The following GPR158 variants were observed in gnomAD, a reference collection of about 807,000 sequenced individuals.
The protein encoded by GPR158 is G protein-coupled receptor 158, also known as metabotropic glycine receptor.
In GPR158, 30 loss-of-function variants were observed where a neutral mutation model predicts 78.2. The ratio of observed to expected loss-of-function variants is 0.38; its 90% CI spans 0.29 to 0.52. The LOEUF (loss-of-function observed/expected upper bound fraction) is 0.52. Ranked by LOEUF, GPR158 falls within the 20% of genes least tolerant of loss-of-function variation. The pLI, the probability that GPR158 is intolerant of heterozygous loss-of-function variation, is 0.83. For missense variants in GPR158, 1,463 were observed against 1,523.5 expected, an observed-to-expected ratio of 0.96 and a Z score of 0.66; for synonymous variants, 581 against 591.1, an observed-to-expected ratio of 0.98 and a Z score of 0.25.
At chr10:25,473,711 A>G (rs969993764) in intron 5 of GPR158, among the ~76,000 whole-genome samples, 11 of 152,026 alleles carry the variant, frequency 7.2e-5, no homozygotes, top group Non-Finnish European at 1.2e-4. Flanking sequence ...GAATTTATCC[A>G]TTTCTTCTAG....
intron 2 of GPR158, among the ~76,000 whole-genome samples, chr10:25,307,343 C>T (rs7913029): frequency 7.3e-4 from 110 of 150,446 alleles, no homozygotes; most frequent in African/African-American, 2.6e-3. Flanking sequence ...CTTTCAAGTC[C>T]CCCAAAATGC....
At chr10:25,282,171 G>T (rs1180561256) in intron 2 of GPR158, among the ~76,000 whole-genome samples, 1 of 151,920 alleles carries the variant, frequency 6.6e-6, no homozygotes, top group Non-Finnish European at 1.5e-5. Context: ...CACTAATTTT[G>T]TTCTCCTCCC....
At chr10:25,242,241 A>G (rs1853637358) in intron 2 of GPR158, among the ~76,000 whole-genome samples, 1 of 152,248 alleles carries the variant, frequency 6.6e-6, no homozygotes, top group Non-Finnish European at 1.5e-5. Context: ...TCTTCATTTC[A>G]TTAAACAGTA....
At chr10:25,357,366 G>A (rs183123118) in intron 2 of GPR158, among the ~76,000 whole-genome samples, 3 of 152,218 alleles carry the variant, frequency 2.0e-5, no homozygotes, top group Admixed American at 1.3e-4. Context: ...TCCCCAAGAC[G>A]ATGGGCACAA....
chr10:25,366,783 T>C (rs1855730438), intron 2 of GPR158, among the ~76,000 whole-genome samples: 1 of 151,662 alleles, frequency 6.6e-6, no homozygotes, highest in Admixed American at 6.6e-5. Flanking sequence ...TCTGTGAATT[T>C]GACACTTTTA....
chr10:25,400,482 T>C (rs571478295), intron 3 of GPR158, among the ~76,000 whole-genome samples: 9 of 152,318 alleles, frequency 5.9e-5, no homozygotes, highest in South Asian at 4.1e-4. Context: ...TGTATTCAAA[T>C]AACATGATTT....
At chr10:25,252,050 T>C (rs1001596147) in intron 2 of GPR158, among the ~76,000 whole-genome samples, 1 of 152,002 alleles carries the variant, frequency 6.6e-6, no homozygotes, top group African/African-American at 2.4e-5. Context: ...CCTTCTCGCT[T>C]CATTTCATTC....
At chr10:25,520,679 G>T (rs1261837199) in intron 5 of GPR158, among the ~76,000 whole-genome samples, 2 of 151,906 alleles carry the variant, frequency 1.3e-5, no homozygotes, top group Non-Finnish European at 2.9e-5. Flanking sequence ...TCCCAGTTAG[G>T]CTGCTCGGGG....
intron 2 of GPR158, among the ~76,000 whole-genome samples, chr10:25,385,686 T>C (rs1420208009): frequency 6.6e-6 from 1 of 152,164 alleles, no homozygotes. Flanking sequence ...TAATATCTCG[T>C]TGTGGTTTTG....
intron 2 of GPR158, among the ~76,000 whole-genome samples, chr10:25,333,805 A>G (rs1468373360): frequency 6.6e-6 from 1 of 152,114 alleles, no homozygotes; most frequent in East Asian, 1.9e-4. Flanking sequence ...AGTACAAACT[A>G]TTTAAATGTA....
At chr10:25,551,133 T>C (rs773731368) in intron 6 of GPR158, 48 bp downstream of exon 6, 1 of 1,058,672 alleles carries the variant, frequency 9.4e-7, no homozygotes, top group Admixed American at 1.7e-5. Flanking sequence ...ATCAAACTAA[T>C]CAGCTTGGCA....
At chr10:25,381,893 A>C (rs1038441210) in intron 2 of GPR158, among the ~76,000 whole-genome samples, 1 of 152,258 alleles carries the variant, frequency 6.6e-6, no homozygotes, top group Non-Finnish European at 1.5e-5. Context: ...AAGCACATTT[A>C]TAACAGGTCC....
chr10:25,249,784 C>G (rs1435843618), intron 2 of GPR158, among the ~76,000 whole-genome samples: 8 of 151,766 alleles, frequency 5.3e-5, no homozygotes, highest in East Asian at 1.9e-4. Context: ...TTTTTTTGTT[C>G]TGTCTCTGCC....
At chr10:25,299,883 G>A (rs1250037538) in intron 2 of GPR158, among the ~76,000 whole-genome samples, 1 of 151,932 alleles carries the variant, frequency 6.6e-6, no homozygotes, top group Non-Finnish European at 1.5e-5. Flanking sequence ...CTGGAGTGCG[G>A]TATCATGATC....
At chr10:25,400,437 C>T (rs1418098438) in intron 3 of GPR158, among the ~76,000 whole-genome samples, 114 of 152,180 alleles carry the variant, frequency 7.5e-4, no homozygotes, top group Non-Finnish European at 4.4e-5. Context: ...GACCGAGGCC[C>T]ACAGTAAACA....
Position 25,572,797 on chromosome 10 carries a change from C to G in GPR158, c.1663C>G (p.Gln555Glu). The G allele has an allele frequency of 1.9e-6, 3 of 1,613,876 alleles. No homozygotes were observed. The highest frequency in any genetic ancestry group is 2.5e-6 in the Non-Finnish European group (3 of 1,179,842). ...TSSVCQNLEK[Q>E]ISLIGQGKTS... The stretch of plus-strand genomic sequence containing the variant: ...ATCTGTGTGCCAGAATTTGGAGAAA[C>G]AGATTTCACTTATTGGCCAGGGGAA... The change falls in exon 7 of 11, where the codon CAG becomes GAG. Residue 555 changes from glutamine to glutamate, a missense_variant. By Grantham distance (29) the Gln-to-Glu change is conservative. Transcript: ENST00000376351.
intron 4 of GPR158, among the ~76,000 whole-genome samples, chr10:25,425,555 G>C (rs1375419602): frequency 6.6e-6 from 1 of 151,406 alleles, no homozygotes; most frequent in East Asian, 1.9e-4. Context: ...TAAATATATG[G>C]TACTTAAACA....
chr10:25,485,732 A>C (rs1408912463), intron 5 of GPR158, among the ~76,000 whole-genome samples: 1 of 152,152 alleles, frequency 6.6e-6, no homozygotes, highest in Non-Finnish European at 1.5e-5. Flanking sequence ...TTGTGATTAG[A>C]TATGTATAGT....
In GPR158 at chr10:25,599,448, A is replaced by G. The variant is rs1030772733; in HGVS notation, c.*174A>G. 7 of 586,322 alleles carry G rather than the reference A, an allele frequency of 1.2e-5. No homozygotes were observed. Among genetic ancestry groups the G allele is most frequent in the Non-Finnish European group, 2.1e-5 (7 of 332,794 alleles). The allele number at this position is 586,322 out of a possible 1,614,324, so 36.3% of individuals were successfully genotyped here. A position where few individuals can be genotyped will look rare whatever the true frequency, so the allele number is the denominator to read the frequency against. ...CCAGGGGGGCAAGAGCAACAACGTC[A>G]TAATGGAGAAGTCAGACTTTGGTCA... On this transcript the variant is annotated 3_prime_UTR_variant, in exon 11 of 11. Transcript: ENST00000376351.
Sources: allele counts gnomAD v4.1 joint callset (sites outside exome capture counted in the v4.1 genomes callset), GRCh38; gene constraint gnomAD v4.1.1; transcripts MANE v1.5; gene names NCBI Gene and HGNC (gene_info 2026-07-23, HGNC 2026-07-21).